MVB12A: variants seen among roughly 807,000 people sequenced by gnomAD.
The protein encoded by MVB12A is multivesicular body subunit 12A.
In MVB12A, 30 loss-of-function variants were observed where a neutral mutation model predicts 34.3. The observed-to-expected ratio is 0.88, with a 90% CI of 0.65 to 1.19. The LOEUF (loss-of-function observed/expected upper bound fraction) is 1.19, where lower values mean the gene tolerates loss of function less well. Among genes scored for constraint, MVB12A ranks in the 50% most tolerant of loss-of-function variants. The pLI is 0.00. For missense variants in MVB12A, 355 were observed against 369.2 expected (o/e 0.96, Z 0.31); for synonymous variants, 158 against 158.9 (o/e 0.99, Z 0.04).
intron 3 of MVB12A, chr19:17,420,955 T>G: frequency 1.8e-6 from 1 of 546,706 alleles, no homozygotes; most frequent in Non-Finnish European, 3.5e-6. Flanking sequence ...TCTTTTTCAT[T>G]TCCAGGCTTT....
rs1051582933 is a variant in MVB12A, at chr19:17,420,115, C to G, written c.-21C>G. The stretch of plus-strand genomic sequence containing the variant: ...TCGAGGCTGTGCCCCGCGACCCCGC[C>G]TTCGGCGCTCGGCTCGCAGGATGGA... On this transcript the variant is annotated 5_prime_UTR_variant, in exon 1 of 9. Coordinates refer to ENST00000317040, the MANE Select transcript of MVB12A (RefSeq NM_138401.4). 1 of 1,330,350 alleles carries G rather than the reference C, an allele frequency of 7.5e-7. No individual in the cohort carries two copies. Among genetic ancestry groups the G allele is most frequent in the African/African-American group, 1.5e-5 (1 of 64,786 alleles). The allele number at this position is 1,330,350 out of a possible 1,614,324, so 82.4% of individuals were successfully genotyped here.
chr19:17,417,866 T>C (rs2074810944), upstream of MVB12A: 2 of 323,806 alleles, frequency 6.2e-6, no homozygotes, highest in South Asian at 2.8e-5. Context: ...TCTGCAAAAT[T>C]GACAGGGACC....
chr19:17,420,374 G>A lies in MVB12A; in HGVS notation c.152G>A (p.Gly51Asp), dbSNP rs746626401. The change falls in exon 2 of 9, where the codon GGC becomes GAC. Residue 51 changes from glycine (G) to aspartate (D), a missense_variant. By Grantham distance (94) the Gly-to-Asp change is moderately conservative. Transcript: ENST00000317040. ...GGCAAGAGCTTCGCGCAGAAATCTG[G>A]CTACTTCCTGTGCCTTAGTTCTCTG... ...SFGKSFAQKS[G>D]YFLCLSSLGS... The A allele has an allele frequency of 7.4e-6, 12 of 1,613,730 alleles. No homozygotes were observed. Among genetic ancestry groups the A allele is most frequent in the Non-Finnish European group, 7.6e-6 (9 of 1,179,872 alleles).
intron 2 of MVB12A, among the ~76,000 whole-genome samples, chr19:17,411,914 G>A (rs1043823928): frequency 2.0e-5 from 3 of 152,230 alleles, no homozygotes; most frequent in African/African-American, 7.2e-5. Context: ...GGCCCCGGAT[G>A]GGCTTCTGAG....
At chr19:17,424,334 CACTTTGGGAGACCAAGGCAGGT>C (rs2074856842) in intron 7 of MVB12A, among the ~76,000 whole-genome samples, 1 of 152,082 alleles carries the variant, frequency 6.6e-6, no homozygotes, top group South Asian at 2.1e-4. Context: ...GTGATCCCAG[CACTTTGGGAGACCAAGGCAGGT>C]GGATCACTTG....
chr19:17,408,746 C>T (rs890006399), intron 2 of MVB12A, among the ~76,000 whole-genome samples: 1 of 150,304 alleles, frequency 6.7e-6, no homozygotes, highest in Non-Finnish European at 1.5e-5. Flanking sequence ...TGCACCTGGC[C>T]TATATTTTAT....
Position 17,424,979 on chromosome 19 carries a change from C to G in MVB12A, c.808C>G (p.Pro270Ala), listed in dbSNP as rs763915847. Reference protein sequence around the residue: ...VEKTAAARLPPSVS With the variant: ...VEKTAAARLPASVS ...GAAGACCGCGGCTGCCCGCCTGCCCCCCAGCGTCTCATAGTCCCTCACCCT... is the reference window on the plus strand; with the variant it reads ...GAAGACCGCGGCTGCCCGCCTGCCCGCCAGCGTCTCATAGTCCCTCACCCT... Residue 270 changes from proline (P) to alanine (A), a missense_variant, in exon 9 of 9, where the codon CCC becomes GCC. By Grantham distance (27) the Pro-to-Ala change is conservative (BLOSUM62 -1). Transcript: ENST00000317040. The G allele has an allele frequency of 2.9e-5, 47 of 1,609,258 alleles. No individual in the cohort carries two copies. Among genetic ancestry groups the G allele is most frequent in the Non-Finnish European group, 3.7e-5 (44 of 1,177,072 alleles).
At chr19:17,408,610 C>T (rs2074743787) in intron 2 of MVB12A, among the ~76,000 whole-genome samples, 2 of 150,196 alleles carry the variant, frequency 1.3e-5, no homozygotes, top group South Asian at 4.2e-4. Flanking sequence ...CCATGCCTGG[C>T]TTATTTTTGT....
At chr19:17,410,699 C>T (rs1308307776) in intron 2 of MVB12A, among the ~76,000 whole-genome samples, 2 of 146,312 alleles carry the variant, frequency 1.4e-5, no homozygotes, top group African/African-American at 2.5e-5. Flanking sequence ...GAGGCTGAGG[C>T]GGGTGGATGA....
chr19:17,423,363 A>G, intron 4 of MVB12A, 135 bp from the exon 5 acceptor site: 3 of 711,354 alleles, frequency 4.2e-6, no homozygotes, highest in Admixed American at 4.1e-5. Context: ...CCGTCCCCAA[A>G]AAAAAAAAAA....
At chr19:17,416,002 T>G (rs1297786334), upstream of MVB12A, among the ~76,000 whole-genome samples, 1 of 152,242 alleles carries the variant, frequency 6.6e-6, no homozygotes, top group Non-Finnish European at 1.5e-5. Context: ...ACTTTTCCCT[T>G]AATTATTCCT....
rs550022252 is a variant in MVB12A, at chr19:17,422,727, G to A, written c.413+269G>A. 1.3e-3 allele frequency: 263 copies of A among 207,882 alleles called. 1 individual carries two copies. The highest frequency in any genetic ancestry group is 5.4e-3 in the African/African-American group (235 of 43,346). The allele number at this position is 207,882 out of a possible 1,614,324, so 12.9% of individuals were successfully genotyped here. A position where few individuals can be genotyped will look rare whatever the true frequency, so the allele number is the denominator to read the frequency against. ...GCACTTTGGGAGGCTGAGGCGGGCC[G>A]ATCACAAGGTCAGGAGATCGAGACC... is the stretch of plus-strand genomic sequence containing the variant. On this transcript the variant is annotated intron_variant, in intron 4 of 8. Coordinates refer to ENST00000317040, the MANE Select transcript of MVB12A (RefSeq NM_138401.4).
Position 17,420,414 on chromosome 19 carries a change from A to G in MVB12A, c.189+3A>G, listed in dbSNP as rs887339528. 1.9e-6 allele frequency: 3 copies of G among 1,613,414 alleles called. No homozygotes were observed. In the African/African-American group the frequency reaches 4.0e-5, roughly 22 times the overall value. On this transcript the variant is annotated splice_donor_region_variant and intron_variant, in intron 2 of 8. Transcript: ENST00000317040. ...TTAGTTCTCTGGGCAGCCTAGAGGT[A>G]AGAGGTGCCCACCTTCGGAACCACC... is the stretch of plus-strand genomic sequence containing the variant.
upstream of MVB12A, among the ~76,000 whole-genome samples, chr19:17,416,856 C>T (rs899163265): frequency 6.6e-6 from 1 of 151,278 alleles, no homozygotes; most frequent in Non-Finnish European, 1.5e-5. Context: ...TGCACCACCA[C>T]CCCCTGCTAA....
In MVB12A at chr19:17,422,313, C is replaced by A; in HGVS notation, c.287-19C>A. 1 of 1,605,290 alleles carries A rather than the reference C, an allele frequency of 6.2e-7. No individual in the cohort carries two copies. Among genetic ancestry groups the A allele is most frequent in the South Asian group, 1.1e-5 (1 of 90,028 alleles). On this transcript the variant is annotated intron_variant, in intron 3 of 8. Coordinates refer to ENST00000317040, the MANE Select transcript of MVB12A (RefSeq NM_138401.4). Reference sequence around the variant, plus strand: ...CCTGCCTGGCTTCCCTCTCTCACTCCCCTACCCCCCACTCCCAGAGGCCTC... The same window carrying A: ...CCTGCCTGGCTTCCCTCTCTCACTCACCTACCCCCCACTCCCAGAGGCCTC...
At position 17,422,755 on chromosome 19, in the gene MVB12A, CCTGA is replaced by C. The variant is rs369511116; in HGVS notation, c.413+300_413+303del. 1,018 of 175,508 alleles carry C rather than the reference CCTGA, an allele frequency of 5.8e-3. 8 individuals are homozygous for C. Among genetic ancestry groups the C allele is most frequent in the Middle Eastern group, 0.044 (18 of 412 alleles). The allele number at this position is 175,508 out of a possible 1,614,324, so 10.9% of individuals were successfully genotyped here. ...CACAAGGTCAGGAGATCGAGACCAT[CCTGA>C]CTAACATGTTGAAACCCCATCTCTA... On this transcript the variant is annotated intron_variant, in intron 4 of 8. Coordinates refer to ENST00000317040, the MANE Select transcript of MVB12A (RefSeq NM_138401.4).
chr19:17,420,016 C>CTCA, upstream of MVB12A: 1 of 290,410 alleles, frequency 3.4e-6, no homozygotes, highest in South Asian at 1.2e-4. Flanking sequence ...GCAATCTCCG[C>CTCA]CCCCCCCCCC....
In MVB12A at chr19:17,424,657, C is replaced by G. The variant is rs1486118649; in HGVS notation, c.739C>G (p.Leu247Val). ...TTTTGGGGACCTGACCATCAAGTCT[C>G]TGGCGGACATTGAGGAGGAGGTGGG... ...SAFGDLTIKSLADIEEEYNYG... is the reference protein window; with the variant it reads ...SAFGDLTIKSVADIEEEYNYG... The change falls in exon 8 of 9, where the codon CTG (leucine) becomes GTG (valine). Residue 247 changes from leucine (L) to valine (V), a missense_variant. Transcript: ENST00000317040. 4 of 1,611,994 alleles carry G rather than the reference C, an allele frequency of 2.5e-6. No homozygotes were observed. Among genetic ancestry groups the G allele is most frequent in the Non-Finnish European group, 3.4e-6 (4 of 1,178,874 alleles).
In MVB12A at chr19:17,420,422, C is replaced by T. The variant is rs1483429410; in HGVS notation, c.189+11C>T. 9 of 1,612,750 alleles carry T rather than the reference C, an allele frequency of 5.6e-6. No homozygotes were observed. The highest frequency in any genetic ancestry group is 3.3e-5 in the South Asian group (3 of 91,048). ...CTGGGCAGCCTAGAGGTAAGAGGTG[C>T]CCACCTTCGGAACCACCAGGGTCTG... On this transcript the variant is annotated intron_variant, in intron 2 of 8. Coordinates refer to ENST00000317040, the MANE Select transcript of MVB12A (RefSeq NM_138401.4).
Sources: allele counts gnomAD v4.1 joint callset (sites outside exome capture counted in the v4.1 genomes callset), GRCh38; gene constraint gnomAD v4.1.1; transcripts MANE v1.5; gene names NCBI Gene and HGNC (gene_info 2026-07-23, HGNC 2026-07-21).